FOXP1: variants seen among roughly 807,000 people sequenced by gnomAD.
FOXP1 encodes the protein forkhead box P1.
FOXP1 carries 15 observed loss-of-function variants against 98.2 expected under a neutral mutation model. The ratio of observed to expected loss-of-function variants is 0.15; its 90% CI spans 0.10 to 0.24. The LOEUF is 0.24. FOXP1 is among the 10% of genes least tolerant of loss of function. The pLI is 1.00. For missense variants in FOXP1, 633 were observed against 848.5 expected, an observed-to-expected ratio of 0.75 and a Z score of 3.15; for synonymous variants, 371 against 314.5, an observed-to-expected ratio of 1.18 and a Z score of -1.90.
At chr3:71,470,387 T>G (rs2089214790) in intron 3 of FOXP1, among the ~76,000 whole-genome samples, 1 of 152,276 alleles carries the variant, frequency 6.6e-6, no homozygotes, top group Non-Finnish European at 1.5e-5. Flanking sequence ...ATTGTTGTTA[T>G]TCATAAGTAA....
intron 5 of FOXP1, among the ~76,000 whole-genome samples, chr3:71,272,748 G>A (rs540292367): frequency 6.9e-6 from 1 of 144,322 alleles, no homozygotes; most frequent in African/African-American, 2.5e-5. Flanking sequence ...CTGGGAGAAA[G>A]AGCTCTGCCC....
intron 5 of FOXP1, among the ~76,000 whole-genome samples, chr3:71,203,977 GA>G (rs2063839362): frequency 1.4e-5 from 2 of 147,488 alleles, no homozygotes; most frequent in African/African-American, 2.6e-5. Flanking sequence ...AGGAAGGAAG[GA>G]AGGAAGGAAG....
chr3:71,108,109 T>C (rs1383367765), intron 7 of FOXP1, among the ~76,000 whole-genome samples: 2 of 152,222 alleles, frequency 1.3e-5, no homozygotes, highest in Non-Finnish European at 2.9e-5. Context: ...AAATTCTTTA[T>C]AGAGGGCCTG....
At chr3:71,310,180 C>T (rs1237483370) in intron 4 of FOXP1, among the ~76,000 whole-genome samples, 2 of 152,178 alleles carry the variant, frequency 1.3e-5, no homozygotes, top group Non-Finnish European at 2.9e-5. Context: ...CAGGACTTGC[C>T]TGGTACATGA....
intron 5 of FOXP1, among the ~76,000 whole-genome samples, chr3:71,216,023 G>A (rs1373788063): frequency 6.6e-6 from 1 of 152,220 alleles, no homozygotes; most frequent in African/African-American, 2.4e-5. Flanking sequence ...ACCTTATACT[G>A]TGGATACAAG....
intron 4 of FOXP1, among the ~76,000 whole-genome samples, chr3:71,337,924 C>T (rs1302010430): frequency 1.3e-5 from 2 of 152,170 alleles, no homozygotes; most frequent in African/African-American, 2.4e-5. Flanking sequence ...TATGTACCTC[C>T]GTTATACACA....
chr3:71,059,385 C>G (rs763488115), intron 7 of FOXP1, among the ~76,000 whole-genome samples: 1 of 152,190 alleles, frequency 6.6e-6, no homozygotes, highest in African/African-American at 2.4e-5. Flanking sequence ...CTGCTCTCCT[C>G]TAACATTTCC....
chr3:71,518,324 A>T (rs1373870377), intron 2 of FOXP1, among the ~76,000 whole-genome samples: 1 of 152,188 alleles, frequency 6.6e-6, no homozygotes, highest in Non-Finnish European at 1.5e-5. Flanking sequence ...AGAAAATGCA[A>T]GCTCAAGGTC....
intron 4 of FOXP1, among the ~76,000 whole-genome samples, chr3:71,321,135 A>C (rs1016682094): frequency 6.8e-6 from 1 of 147,338 alleles, no homozygotes; most frequent in Non-Finnish European, 1.5e-5. Flanking sequence ...AAAAAAAAAA[A>C]AAAGGAAAAA....
chr3:71,220,752 C>CAAAAT (rs3033235), intron 5 of FOXP1, among the ~76,000 whole-genome samples: 46,049 of 132,536 alleles, frequency 0.35, 8,530 homozygotes, highest in Middle Eastern at 0.54. Context: ...GACCCTGTCT[C>CAAAAT]AAAATAAAAT....
chr3:71,085,425 A>C (rs764017216), intron 7 of FOXP1, among the ~76,000 whole-genome samples: 2 of 151,536 alleles, frequency 1.3e-5, no homozygotes, highest in Non-Finnish European at 2.9e-5. Flanking sequence ...GCCTCACATC[A>C]CAGGTGTGAG....
chr3:71,066,718 A>T (rs1053406414), intron 7 of FOXP1, among the ~76,000 whole-genome samples: 4 of 152,234 alleles, frequency 2.6e-5, no homozygotes, highest in Non-Finnish European at 4.4e-5. Flanking sequence ...ATGTTTATAA[A>T]CAAAAACTGG....
intron 5 of FOXP1, among the ~76,000 whole-genome samples, chr3:71,297,759 G>A (rs530655533): frequency 2.6e-5 from 4 of 151,698 alleles, no homozygotes; most frequent in Admixed American, 1.3e-4. Flanking sequence ...GGGATCACAG[G>A]TGCCCGCCAC....
At chr3:71,073,448 T>C (rs1480916387) in intron 7 of FOXP1, among the ~76,000 whole-genome samples, 1 of 152,198 alleles carries the variant, frequency 6.6e-6, no homozygotes, top group Non-Finnish European at 1.5e-5. Context: ...GTCAACATTC[T>C]TACGACAACC....
intron 3 of FOXP1, among the ~76,000 whole-genome samples, chr3:71,452,908 G>C (rs1311687206): frequency 6.6e-6 from 1 of 152,098 alleles, no homozygotes. Flanking sequence ...GTGCTTTCTG[G>C]CATCTGTAGA....
chr3:71,082,856 A>AC (rs2107535832), intron 7 of FOXP1, among the ~76,000 whole-genome samples: 1 of 152,298 alleles, frequency 6.6e-6, no homozygotes. Flanking sequence ...TTTTCCGCTA[A>AC]CCAGCTGACT....
At chr3:71,553,638 T>C (rs2045926685) in intron 2 of FOXP1, among the ~76,000 whole-genome samples, 1 of 152,240 alleles carries the variant, frequency 6.6e-6, no homozygotes, top group Non-Finnish European at 1.5e-5. Context: ...TACATATGTA[T>C]GTTCATTCTT....
chr3:71,347,207 G>T (rs934389398), intron 4 of FOXP1, among the ~76,000 whole-genome samples: 1 of 152,168 alleles, frequency 6.6e-6, no homozygotes, highest in African/African-American at 2.4e-5. Context: ...AAGGAATGGG[G>T]TGGTAGGGAA....
At chr3:70,987,959 T>G in intron 14 of FOXP1, 35 bp downstream of exon 14, 1 of 1,596,498 alleles carries the variant, frequency 6.3e-7, no homozygotes, top group Non-Finnish European at 8.6e-7. Context: ...ACTGTGAGTT[T>G]TGTTTTTTTC....
Sources: gnomAD v4.1 joint callset for allele counts (sites outside exome capture counted in the v4.1 genomes callset) on GRCh38, gnomAD v4.1.1 for gene constraint, MANE v1.5 for transcripts, NCBI Gene and HGNC (gene_info 2026-07-23, HGNC 2026-07-21) for gene names.